PLCB1: variants seen among roughly 807,000 people sequenced by gnomAD.
PLCB1 encodes 1-phosphatidylinositol 4,5-bisphosphate phosphodiesterase beta-1.
PLCB1 carries 46 observed loss-of-function variants against 161.8 expected under a neutral mutation model. The observed-to-expected ratio is 0.28, with a 90% confidence interval of 0.22 to 0.36. The LOEUF (loss-of-function observed/expected upper bound fraction) is 0.36, where lower values mean the gene tolerates loss of function less well. Among genes scored for constraint, PLCB1 ranks in the 10% least tolerant of loss-of-function variants. The pLI is 1.00. For synonymous variants in PLCB1, 517 were observed against 503.7 expected (o/e 1.03, Z -0.35); for missense variants, 1,016 against 1,472.5 (o/e 0.69, Z 5.07).
chr20:8,305,753 T>C (rs1019558919), intron 2 of PLCB1: 2 of 151,708 alleles, frequency 1.3e-5, no homozygotes, highest in Non-Finnish European at 2.9e-5. Context: ...GCTATTTATA[T>C]CTCTTCCTCA....
chr20:8,877,472 C>G (rs1987819237), intron 31 of PLCB1, among the ~76,000 whole-genome samples: 1 of 152,214 alleles, frequency 6.6e-6, no homozygotes, highest in Non-Finnish European at 1.5e-5. Context: ...TTTAATCTGA[C>G]AAGCATCAGC....
Position 8,853,850 on chromosome 20 carries a change from G to T in PLCB1, c.3424-27772G>T, listed in dbSNP as rs532750977. On this transcript the variant is annotated intron_variant, in intron 31 of 31. Transcript: ENST00000338037. ...GCTGAGGCATTTTATGTGATTGTGTGTGTAAGCTTCAAAGCGTTATTCAAC... is the reference window on the plus strand; with the variant it reads ...GCTGAGGCATTTTATGTGATTGTGTTTGTAAGCTTCAAAGCGTTATTCAAC... 2.0e-5 allele frequency among the ~76,000 whole-genome samples: 3 copies of T among 152,332 alleles called. No homozygotes were observed. The South Asian group carries it at 6.2e-4, about 32-fold the overall frequency.
At chr20:8,614,166 T>C (rs1277433635) in intron 3 of PLCB1, among the ~76,000 whole-genome samples, 2 of 152,012 alleles carry the variant, frequency 1.3e-5, no homozygotes, top group Admixed American at 1.3e-4. Context: ...AACAAGATAT[T>C]CTATTATTTT....
chr20:8,345,228 A>G lies in PLCB1; in HGVS notation c.178-26154A>G, dbSNP rs527394808. ...CATGGATGCATTTGAAGGATTTGAA[A>G]TGTGCTTCAGTTTGAAACTTGGGTT... On this transcript the variant is annotated intron_variant, in intron 2 of 31. Transcript: ENST00000338037. Among the ~76,000 whole-genome samples the G allele has an allele frequency of 2.0e-5, 3 of 152,230 alleles. No individual in the cohort carries two copies. The South Asian group carries it at 6.2e-4, about 32-fold the overall frequency.
At chr20:8,550,471 C>T (rs1229574820) in intron 3 of PLCB1, among the ~76,000 whole-genome samples, 1 of 152,104 alleles carries the variant, frequency 6.6e-6, no homozygotes, top group Non-Finnish European at 1.5e-5. Flanking sequence ...CTTCCCTCGG[C>T]TCTCATTCTC....
chr20:8,676,481 GC>G (rs1990080002), intron 9 of PLCB1, among the ~76,000 whole-genome samples: 1 of 151,676 alleles, frequency 6.6e-6, no homozygotes, highest in African/African-American at 2.4e-5. Context: ...GTAATTGTAA[GC>G]ATATGAAAAA....
intron 3 of PLCB1, among the ~76,000 whole-genome samples, chr20:8,561,326 C>T (rs188719635): frequency 2.6e-4 from 39 of 151,788 alleles, no homozygotes; most frequent in Non-Finnish European, 5.3e-4. Context: ...AATTATGAAC[C>T]GTATAACTAA....
chr20:8,551,120 T>G (rs1413213020), intron 3 of PLCB1, among the ~76,000 whole-genome samples: 1 of 152,180 alleles, frequency 6.6e-6, no homozygotes, highest in Non-Finnish European at 1.5e-5. Context: ...CATAAATCAC[T>G]CATAAATTCT....
chr20:8,793,112 A>T (rs1306243202), intron 31 of PLCB1, among the ~76,000 whole-genome samples: 1 of 152,202 alleles, frequency 6.6e-6, no homozygotes, highest in East Asian at 1.9e-4. Context: ...GAAACAAAAC[A>T]AGGAACAACC....
chr20:8,432,817 T>C (rs1980112805), intron 3 of PLCB1, among the ~76,000 whole-genome samples: 1 of 152,178 alleles, frequency 6.6e-6, no homozygotes, highest in Non-Finnish European at 1.5e-5. Flanking sequence ...CCATCTAAAT[T>C]CACAGCTCAA....
At chr20:8,322,542 TAA>T (rs11477588) in intron 2 of PLCB1, among the ~76,000 whole-genome samples, 2,142 of 147,124 alleles carry the variant, frequency 0.015, 44 homozygotes, top group African/African-American at 0.049. Context: ...CCCTTAAGGT[TAA>T]AAAAAAAAAA....
chr20:8,354,947 C>T (rs114868967), intron 2 of PLCB1, among the ~76,000 whole-genome samples: 380 of 152,176 alleles, frequency 2.5e-3, no homozygotes, highest in African/African-American at 8.7e-3. Context: ...TATTAGAGAA[C>T]GCTTGCTATA....
intron 31 of PLCB1, among the ~76,000 whole-genome samples, chr20:8,801,858 A>G (rs939892065): frequency 2.0e-5 from 3 of 152,180 alleles, no homozygotes; most frequent in African/African-American, 7.2e-5. Context: ...CTCAATGCCA[A>G]TTCCATTGCA....
Position 8,549,569 on chromosome 20 carries a change from A to C in PLCB1, c.247-78725A>C, listed in dbSNP as rs1251298105. ...GTTTCCCTCATGTTGTTCTCGTGAT[A>C]GCGAACGAATTCTCATGAGGTCTAT... is the stretch of plus-strand genomic sequence containing the variant. On this transcript the variant is annotated intron_variant, in intron 3 of 31. Coordinates refer to ENST00000338037, the MANE Select transcript of PLCB1 (RefSeq NM_015192.4). Among the ~76,000 whole-genome samples the C allele has an allele frequency of 2.6e-5, 4 of 152,152 alleles. No individual in the cohort carries two copies. The South Asian group carries it at 8.3e-4, about 32-fold the overall frequency.
chr20:8,242,565 G>T (rs538722687), intron 2 of PLCB1, among the ~76,000 whole-genome samples: 2 of 152,076 alleles, frequency 1.3e-5, no homozygotes, highest in East Asian at 3.9e-4. Context: ...TATATGGCAA[G>T]TTGAAAGGGT....
At chr20:8,306,281 A>G (rs1197350388) in intron 2 of PLCB1, 2 of 152,196 alleles carry the variant, frequency 1.3e-5, no homozygotes, top group African/African-American at 4.8e-5. Context: ...CAAGTCTTCA[A>G]CTTTTCCTCT....
chr20:8,664,725 C>T (rs572404773), intron 9 of PLCB1, among the ~76,000 whole-genome samples: 190 of 152,256 alleles, frequency 1.2e-3, no homozygotes, highest in African/African-American at 4.5e-3. Context: ...GAGCTCAAGT[C>T]ATGTTATCGA....
At chr20:8,267,959 T>TTTATTA (rs149671843) in intron 2 of PLCB1, among the ~76,000 whole-genome samples, 2,671 of 148,684 alleles carry the variant, frequency 0.018, 41 homozygotes, top group African/African-American at 0.049. Flanking sequence ...TCCATCTGTC[T>TTTATTA]TTATTATTAT....
chr20:8,190,649 C>A (rs1405722254), intron 2 of PLCB1, among the ~76,000 whole-genome samples: 1 of 152,048 alleles, frequency 6.6e-6, no homozygotes, highest in African/African-American at 2.4e-5. Flanking sequence ...ACATAATGGT[C>A]TAAATTGCCT....
Sources: gnomAD v4.1 joint callset for allele counts (sites outside exome capture counted in the v4.1 genomes callset) on GRCh38, gnomAD v4.1.1 for gene constraint, MANE v1.5 for transcripts, NCBI Gene and HGNC (gene_info 2026-07-23, HGNC 2026-07-21) for gene names.